The following CTNNA2 variants were observed in gnomAD, a reference collection of about 807,000 sequenced individuals.
The protein encoded by CTNNA2 is catenin alpha 2.
A neutral mutation model predicts 101.0 loss-of-function variants in CTNNA2; 42 were observed. The ratio of observed to expected loss-of-function variants is 0.42; its 90% CI spans 0.32 to 0.54. The LOEUF (loss-of-function observed/expected upper bound fraction) is 0.54. Ranked by LOEUF, CTNNA2 falls within the 20% of genes least tolerant of loss-of-function variation. The pLI, the probability that CTNNA2 is intolerant of heterozygous loss-of-function variation, is 0.14. For synonymous variants in CTNNA2, 450 were observed against 456.4 expected (o/e 0.99, Z 0.18); for missense variants, 871 against 1,223.1 (o/e 0.71, Z 4.29).
At chr2:80,270,461 T>C (rs1049172022) in intron 7 of CTNNA2, among the ~76,000 whole-genome samples, 1 of 152,316 alleles carries the variant, frequency 6.6e-6, no homozygotes, top group Admixed American at 6.5e-5. Context: ...TTAAGTGTGA[T>C]AGATTATGGA....
chr2:80,211,153 C>T (rs1013902851), intron 7 of CTNNA2, among the ~76,000 whole-genome samples: 2 of 152,084 alleles, frequency 1.3e-5, no homozygotes, highest in Non-Finnish European at 2.9e-5. Flanking sequence ...GAATTTTCTC[C>T]CATTGTGTAG....
chr2:79,336,674 C>T (rs1677001150), intron 3 of CTNNA2, among the ~76,000 whole-genome samples: 1 of 152,116 alleles, frequency 6.6e-6, no homozygotes, highest in Admixed American at 6.5e-5. Flanking sequence ...GTGGGATCCC[C>T]AATTGTGTGG....
intron 7 of CTNNA2, among the ~76,000 whole-genome samples, chr2:79,976,083 C>T (rs560763584): frequency 6.6e-6 from 1 of 152,176 alleles, no homozygotes; most frequent in African/African-American, 2.4e-5. Flanking sequence ...AATAGACACT[C>T]ATCACTCTGG....
At chr2:79,356,331 T>C (rs1018209187) in intron 3 of CTNNA2, among the ~76,000 whole-genome samples, 6 of 152,168 alleles carry the variant, frequency 3.9e-5, no homozygotes, top group Non-Finnish European at 7.4e-5. Flanking sequence ...GTAATAGTTC[T>C]TTATAAATTC....
At position 79,880,212 on chromosome 2, in the gene CTNNA2, G is replaced by GGTT. The variant is rs1683320958; in HGVS notation, c.852+5872_852+5874dup. Among the ~76,000 whole-genome samples the GGTT allele has an allele frequency of 2.0e-5, 3 of 152,216 alleles. No homozygotes were observed. The South Asian group carries it at 6.2e-4, about 32-fold the overall frequency. ...AAGTTTTTTATGTGCTGCTGGATTT[G>GGTT]GTTGGTCAGTATTTGATTGAGGATT... On this transcript the variant is annotated intron_variant, in intron 6 of 18. Transcript: ENST00000402739.
intron 18 of CTNNA2, among the ~76,000 whole-genome samples, chr2:80,626,715 C>CT (rs972014613): frequency 9.9e-5 from 15 of 151,816 alleles, no homozygotes; most frequent in East Asian, 1.9e-4. Flanking sequence ...AAAATCTATT[C>CT]TTTTTTTTAA....
At chr2:80,392,071 C>T (rs1190092192) in intron 7 of CTNNA2, among the ~76,000 whole-genome samples, 1 of 152,088 alleles carries the variant, frequency 6.6e-6, no homozygotes, top group African/African-American at 2.4e-5. Context: ...CTATGGAGAG[C>T]GGGTATGTAT....
In CTNNA2 at chr2:79,285,535, T is replaced by C. The variant is rs954562156; in HGVS notation, c.-405-27174T>C. Among the ~76,000 whole-genome samples, 8 of 138,328 alleles carry C rather than the reference T, an allele frequency of 5.8e-5. No individual in the cohort carries two copies. The South Asian group carries it at 1.8e-3, about 30-fold the overall frequency. 90.7% of individuals were successfully genotyped at this position (138,328 alleles called of 152,430 possible). A position where few individuals can be genotyped will look rare whatever the true frequency, so the allele number is the denominator to read the frequency against. ...TACCCAGTAGTCATTCAGGAGCAGGTTGTTCAGTTTCCATGTAGTTGAGCG... is the reference window on the plus strand; with the variant it reads ...TACCCAGTAGTCATTCAGGAGCAGGCTGTTCAGTTTCCATGTAGTTGAGCG... On this transcript the variant is annotated intron_variant, in intron 2 of 21. Coordinates refer to the CTNNA2 transcript ENST00000466387.
chr2:80,526,729 C>T (rs992465979), intron 9 of CTNNA2, among the ~76,000 whole-genome samples: 2 of 152,124 alleles, frequency 1.3e-5, no homozygotes, highest in Non-Finnish European at 2.9e-5. Context: ...AAAGATAGAG[C>T]TTATAAAAAA....
At chr2:79,801,865 G>A (rs1207223889) in intron 3 of CTNNA2, among the ~76,000 whole-genome samples, 1 of 151,848 alleles carries the variant, frequency 6.6e-6, no homozygotes, top group Non-Finnish European at 1.5e-5. Context: ...GGTGGCACAT[G>A]CCTGTAATCT....
chr2:79,838,008 C>A (rs957614042), intron 3 of CTNNA2, among the ~76,000 whole-genome samples: 5 of 151,992 alleles, frequency 3.3e-5, no homozygotes, highest in African/African-American at 1.2e-4. Context: ...TTATAATAAT[C>A]CTGGGCCAAG....
chr2:79,361,041 C>A (rs577718531), intron 3 of CTNNA2, among the ~76,000 whole-genome samples: 2 of 152,246 alleles, frequency 1.3e-5, no homozygotes, highest in South Asian at 4.2e-4. Flanking sequence ...GAGGAAGCCA[C>A]AAGCTCCTCT....
chr2:80,588,899 T>G (rs1261234164), intron 14 of CTNNA2, among the ~76,000 whole-genome samples: 3 of 152,058 alleles, frequency 2.0e-5, no homozygotes. Context: ...CAGAAGGCCG[T>G]TTTTCTTTTT....
intron 7 of CTNNA2, among the ~76,000 whole-genome samples, chr2:80,389,162 A>AT (rs1233968045): frequency 1.3e-5 from 2 of 151,938 alleles, no homozygotes; most frequent in Non-Finnish European, 2.9e-5. Flanking sequence ...CAATTCTTTC[A>AT]TTTTTTTTCC....
chr2:79,279,579 G>T (rs1364889235), intron 2 of CTNNA2, among the ~76,000 whole-genome samples: 1 of 152,066 alleles, frequency 6.6e-6, no homozygotes, highest in East Asian at 1.9e-4. Context: ...CTAGGAAAAA[G>T]ATCTTCCCTT....
At chr2:79,456,342 T>C (rs896895376) in intron 4 of CTNNA2, among the ~76,000 whole-genome samples, 1 of 152,008 alleles carries the variant, frequency 6.6e-6, no homozygotes, top group African/African-American at 2.4e-5. Context: ...CATAAACTTT[T>C]ATATATTTGG....
At chr2:80,002,822 G>T (rs1371899917) in intron 7 of CTNNA2, among the ~76,000 whole-genome samples, 1 of 152,136 alleles carries the variant, frequency 6.6e-6, no homozygotes, top group Non-Finnish European at 1.5e-5. Flanking sequence ...ACAGGATAAT[G>T]TCAGGCCCTG....
chr2:79,599,529 A>AT (rs1450696359), intron 1 of CTNNA2, among the ~76,000 whole-genome samples: 1 of 152,094 alleles, frequency 6.6e-6, no homozygotes, highest in Non-Finnish European at 1.5e-5. Context: ...TTAATATGAG[A>AT]TTTTTCCTGC....
chr2:79,262,951 T>TA (rs1249359092), intron 2 of CTNNA2, among the ~76,000 whole-genome samples: 2 of 152,202 alleles, frequency 1.3e-5, no homozygotes, highest in South Asian at 2.1e-4. Context: ...CTTCAGGAGT[T>TA]AGAGACCAGC....
Sources: gnomAD v4.1 joint callset for allele counts (sites outside exome capture counted in the v4.1 genomes callset) on GRCh38, gnomAD v4.1.1 for gene constraint, MANE v1.5 for transcripts, NCBI Gene and HGNC (gene_info 2026-07-23, HGNC 2026-07-21) for gene names.